VGLL2: variants seen among roughly 807,000 people sequenced by gnomAD.
The protein encoded by VGLL2 is transcription cofactor vestigial-like protein 2.
Under a neutral mutation model 27.0 loss-of-function variants are expected in VGLL2, and 18 were observed. That is an observed-to-expected ratio of 0.67 (90% CI 0.46 to 0.99). The LOEUF (loss-of-function observed/expected upper bound fraction) is 0.99, where lower values mean the gene tolerates loss of function less well. Ranked by LOEUF, VGLL2 falls within the 50% of genes least tolerant of loss-of-function variation. VGLL2 has a pLI of 0.00. For missense variants in VGLL2, 491 were observed against 452.3 expected (o/e 1.09, Z -0.78); for synonymous variants, 220 against 201.1 (o/e 1.09, Z -0.80).
chr6:117,271,116 G>A (rs1773187350), intron 3 of VGLL2, 52 bp downstream of exon 3: 2 of 1,195,912 alleles, frequency 1.7e-6, no homozygotes, highest in South Asian at 4.2e-5. Flanking sequence ...CCCCGTACCC[G>A]ACCCTGGGCT....
intron 1 of VGLL2, among the ~76,000 whole-genome samples, chr6:117,267,193 T>A (rs1215754873): frequency 6.6e-6 from 1 of 152,156 alleles, no homozygotes; most frequent in Non-Finnish European, 1.5e-5. Context: ...TGCATGAAGA[T>A]CTCTGTTCAT....
rs1273988289 is a variant in VGLL2, at chr6:117,268,366, C to G, written c.266C>G (p.Thr89Ser). The G allele has an allele frequency of 1.9e-6, 3 of 1,614,030 alleles. No homozygotes were observed. Among genetic ancestry groups the G allele is most frequent in the Non-Finnish European group, 2.5e-6 (3 of 1,180,040 alleles). The change falls in exon 2 of 4, where the codon ACT becomes AGT. Residue 89 changes from threonine (T) to serine (S), a missense_variant. By Grantham distance (58) the Thr-to-Ser change is moderately conservative (BLOSUM62 1). Transcript: ENST00000326274. The part of the protein sequence containing the change: ...EYINSRCVLF[T>S]YFQGDISSVV... The stretch of plus-strand genomic sequence containing the variant: ...ATCAACTCCCGCTGCGTCCTCTTCA[C>G]TTATTTCCAGGGGGACATCAGCTCC...
In VGLL2 at chr6:117,272,464, T is replaced by C; in HGVS notation, c.924T>C (p.Tyr308=). 5 of 1,614,190 alleles carry C rather than the reference T, an allele frequency of 3.1e-6. No homozygotes were observed. Among genetic ancestry groups the C allele is most frequent in the East Asian group, 2.2e-5 (1 of 44,880 alleles). The change falls in exon 4 of 4, where the codon TAT becomes TAC. Residue 308 remains tyrosine, a synonymous_variant. Transcript: ENST00000326274. The part of the protein sequence containing the change: ...LGLSVDSARR[Y]SLCGASLLS ...GATCTTGGTTTGCAGCTCGTCGTTA[T>C]TCCCTCTGTGGTGCATCCCTCCTGA...
chr6:117,272,617 T>C lies in VGLL2; in HGVS notation c.*123T>C, dbSNP rs752411372. 6.9e-6 allele frequency: 10 copies of C among 1,445,766 alleles called. No homozygotes were observed. The highest frequency in any genetic ancestry group is 9.4e-6 in the Non-Finnish European group (10 of 1,065,828). 89.6% of individuals were successfully genotyped at this position (1,445,766 alleles called of 1,614,324 possible). On this transcript the variant is annotated 3_prime_UTR_variant, in exon 4 of 4. Transcript: ENST00000326274. ...GGCAGAGACTTCAGACTTCTCAGTGTGTTGGGAAAACCAAAAACCACAACT... is the reference window on the plus strand; with the variant it reads ...GGCAGAGACTTCAGACTTCTCAGTGCGTTGGGAAAACCAAAAACCACAACT...
intron 1 of VGLL2, 110 bp downstream of exon 1, chr6:117,265,954 C>A: frequency 1.9e-6 from 2 of 1,027,870 alleles, no homozygotes; most frequent in Non-Finnish European, 3.0e-6. Context: ...GGCGTCCGAC[C>A]ACGACCGGCG....
At position 117,270,681 on chromosome 6, in the gene VGLL2, A is replaced by T; in HGVS notation, c.530A>T (p.Tyr177Phe). The change falls in exon 3 of 4, where the codon TAC becomes TTC. Residue 177 changes from tyrosine to phenylalanine, a missense_variant. Transcript: ENST00000326274. The stretch of plus-strand genomic sequence containing the variant: ...CTGCCCTTCGCCGCCGCCGACCCCT[A>T]CTCGCCCGCCGCGCTGCATGGCCAC... ...SELPFAAADP[Y>F]SPAALHGHLH... The T allele has an allele frequency of 6.5e-7, 1 of 1,543,214 alleles. No individual in the cohort carries two copies. Among genetic ancestry groups the T allele is most frequent in the East Asian group, 2.5e-5 (1 of 40,324 alleles).
At position 117,270,528 on chromosome 6, in the gene VGLL2, C is replaced by G; in HGVS notation, c.392-15C>G. 1 of 1,578,546 alleles carries G rather than the reference C, an allele frequency of 6.3e-7. No individual in the cohort carries two copies. The highest frequency in any genetic ancestry group is 1.1e-5 in the South Asian group (1 of 87,288). Reference sequence around the variant, plus strand: ...TTTTCCTTTCCTCCACTCCGCCTCCCCGGCCGGCCTACAGACTGCTCCTTC... The same window carrying G: ...TTTTCCTTTCCTCCACTCCGCCTCCGCGGCCGGCCTACAGACTGCTCCTTC... On this transcript the variant is annotated splice_polypyrimidine_tract_variant and intron_variant, in intron 2 of 3. Coordinates refer to ENST00000326274, the MANE Select transcript of VGLL2 (RefSeq NM_182645.3).
chr6:117,265,589 A>C lies in VGLL2; in HGVS notation c.-175A>C. The C allele has an allele frequency of 3.2e-6, 2 of 618,876 alleles. No individual in the cohort carries two copies. The highest frequency in any genetic ancestry group is 3.8e-5 in the South Asian group (2 of 52,748). The allele number at this position is 618,876 out of a possible 1,614,324, so 38.3% of individuals were successfully genotyped here. On this transcript the variant is annotated 5_prime_UTR_variant, in exon 1 of 4. Transcript: ENST00000326274. ...GCCCTGGAGCGCGGTCGGGAGTAAA[A>C]TCGCAGGAGTGGGAGGGTAGCGAGC...
intron 2 of VGLL2, 88 bp from the exon 3 acceptor site, chr6:117,270,455 C>A (rs1758745607): frequency 2.1e-6 from 3 of 1,426,308 alleles, no homozygotes; most frequent in South Asian, 1.4e-5. Context: ...GTCTCTCGGG[C>A]GGGACGTGCA....
At position 117,268,456 on chromosome 6, in the gene VGLL2, G is replaced by T. The variant is rs1773116179; in HGVS notation, c.356G>T (p.Ser119Ile). ...AGCAGCTACTCTCCTAGCTGTACCA[G>T]CAGCAAAGCACCAAGGAGCTCTGGG... Reference protein sequence around the residue: ...QPSSYSPSCTSSKAPRSSGPW... With the variant: ...QPSSYSPSCTISKAPRSSGPW... The change falls in exon 2 of 4, where the codon AGC becomes ATC. Residue 119 changes from serine (S) to isoleucine (I), a missense_variant. Ser to Ile is a moderately radical substitution (Grantham distance 142). Coordinates refer to ENST00000326274, the MANE Select transcript of VGLL2 (RefSeq NM_182645.3). 6.2e-7 allele frequency: 1 copy of T among 1,613,602 alleles called. No individual in the cohort carries two copies.
chr6:117,272,550 A>C lies in VGLL2; in HGVS notation c.*56A>C. On this transcript the variant is annotated 3_prime_UTR_variant, in exon 4 of 4. Transcript: ENST00000326274. ...CCCTTCTGACCAGCCTTGGAGGCTC[A>C]GCATCTGTGCCTCTCACTCCGTGGA... 6 of 1,612,810 alleles carry C rather than the reference A, an allele frequency of 3.7e-6. No homozygotes were observed. In the South Asian group the frequency reaches 6.6e-5, roughly 18 times the overall value.
chr6:117,265,861 G>A lies in VGLL2; in HGVS notation c.81+17G>A. ...TACCACCAGGTACGTGTCTCCTCTG[G>A]GGACTTTGGGAAGGAGTGCGCGCCC... On this transcript the variant is annotated intron_variant, in intron 1 of 3. Transcript: ENST00000326274. 6.2e-7 allele frequency: 1 copy of A among 1,612,112 alleles called. No homozygotes were observed. Among genetic ancestry groups the A allele is most frequent in the East Asian group, 2.2e-5 (1 of 44,838 alleles).
Position 117,268,276 on chromosome 6 carries a change from C to A in VGLL2, c.176C>A (p.Thr59Asn), listed in dbSNP as rs780872388. ...GGCAGCTCCTCATTTTCCAGCCAAA[C>A]CCCAGCCAGTATAAAAGAGGAAGAA... The part of the protein sequence containing the change: ...GSGSSSFSSQ[T>N]PASIKEEEGS... The change falls in exon 2 of 4, where the codon ACC (threonine) becomes AAC (asparagine). Residue 59 changes from threonine to asparagine, a missense_variant. Thr to Asn is a moderately conservative substitution (Grantham distance 65). Transcript: ENST00000326274. 1.9e-6 allele frequency: 3 copies of A among 1,614,168 alleles called. No homozygotes were observed. The highest frequency in any genetic ancestry group is 2.5e-6 in the Non-Finnish European group (3 of 1,180,046).
intron 3 of VGLL2, among the ~76,000 whole-genome samples, chr6:117,271,324 GATAATA>G (rs3080434): frequency 2.9e-4 from 40 of 138,868 alleles, no homozygotes; most frequent in East Asian, 1.4e-3. Flanking sequence ...TAATAATAAT[GATAATA>G]ATAATAATAA....
At chr6:117,265,925 T>A (rs1460062978) in intron 1 of VGLL2, 81 bp downstream of exon 1, 5 of 1,321,990 alleles carry the variant, frequency 3.8e-6, no homozygotes, top group Non-Finnish European at 5.4e-6. Context: ...CAAGGTCTGC[T>A]GTGCCTCCGC....
intron 3 of VGLL2, 170 bp from the exon 4 acceptor site, chr6:117,272,284 T>G: frequency 1.0e-6 from 1 of 984,670 alleles, no homozygotes; most frequent in Non-Finnish European, 1.2e-6. Context: ...ACCTCCTCTC[T>G]CTTTTATCTT....
chr6:117,268,057 A>G, intron 1 of VGLL2, 125 bp from the exon 2 acceptor site: 1 of 1,025,900 alleles, frequency 9.7e-7, no homozygotes, highest in South Asian at 1.6e-5. Flanking sequence ...CTAACAGCAC[A>G]AGGCTTAAGC....
rs1003316918 is a variant in VGLL2, at chr6:117,270,894, C to T, written c.743C>T (p.Ser248Leu). The T allele has an allele frequency of 3.1e-6, 4 of 1,278,040 alleles. No individual in the cohort carries two copies. The highest frequency in any genetic ancestry group is 3.0e-6 in the Non-Finnish European group (3 of 1,015,862). The allele number at this position is 1,278,040 out of a possible 1,614,324, so 79.2% of individuals were successfully genotyped here. Residue 248 changes from serine to leucine, a missense_variant, in exon 3 of 4, where the codon TCG becomes TTG. Ser to Leu is a moderately radical substitution (Grantham distance 145). Coordinates refer to ENST00000326274, the MANE Select transcript of VGLL2 (RefSeq NM_182645.3). ...RYGPLLMPAA[S>L]GRPARLATAP... is the part of the protein sequence containing the mutation. ...GGGCCGCTGCTGATGCCAGCCGCCTCGGGGCGCCCGGCCCGCCTCGCAACC... is the reference window on the plus strand; with the variant it reads ...GGGCCGCTGCTGATGCCAGCCGCCTTGGGGCGCCCGGCCCGCCTCGCAACC...
Position 117,265,681 on chromosome 6 carries a change from AAGC to A in VGLL2, c.-82_-80del. On this transcript the variant is annotated 5_prime_UTR_variant, in exon 1 of 4. Transcript: ENST00000326274. ...CCTGATGACTCCAGAGCGCGGGTCC[AAGC>A]GCCGCCCATGCAGCACCCCTGAGCT... 2 of 1,257,498 alleles carry A rather than the reference AAGC, an allele frequency of 1.6e-6. No homozygotes were observed. The highest frequency in any genetic ancestry group is 2.3e-6 in the Non-Finnish European group (2 of 866,646). 77.9% of individuals were successfully genotyped at this position (1,257,498 alleles called of 1,614,324 possible).
Sources: gnomAD v4.1 joint callset for allele counts (sites outside exome capture counted in the v4.1 genomes callset) on GRCh38, gnomAD v4.1.1 for gene constraint, MANE v1.5 for transcripts, NCBI Gene and HGNC (gene_info 2026-07-23, HGNC 2026-07-21) for gene names.